Variants in SRGAP2 observed in about 807,000 individuals in gnomAD.
SRGAP2 encodes the protein SLIT-ROBO Rho GTPase-activating protein 2.
A neutral mutation model predicts 57.2 loss-of-function variants in SRGAP2; 15 were observed. The ratio of observed to expected loss-of-function variants is 0.26; its 90% CI spans 0.18 to 0.40. The LOEUF is 0.40. Ranked by LOEUF, SRGAP2 falls within the 10% of genes least tolerant of loss-of-function variation. SRGAP2 has a pLI of 1.00. For missense variants in SRGAP2, 520 were observed against 669.6 expected (o/e 0.78, Z 2.47); for synonymous variants, 249 against 248.0 (o/e 1.00, Z -0.04).
At chr1:206,388,304 G>A (rs1572023247) in intron 5 of SRGAP2, among the ~76,000 whole-genome samples, 1 of 152,190 alleles carries the variant, frequency 6.6e-6, no homozygotes, top group Non-Finnish European at 1.5e-5. Flanking sequence ...TTTAGCACCT[G>A]TTCCCTTGAA....
At chr1:206,339,071 A>G (rs531166463) in intron 3 of SRGAP2, among the ~76,000 whole-genome samples, 25 of 152,078 alleles carry the variant, frequency 1.6e-4, no homozygotes, top group African/African-American at 1.5e-4. Context: ...ATTAGCATAG[A>G]TAAGTTATTG....
chr1:206,391,138 C>T (rs1656906282), intron 5 of SRGAP2, among the ~76,000 whole-genome samples: 1 of 150,096 alleles, frequency 6.7e-6, no homozygotes, highest in South Asian at 2.1e-4. Context: ...AGTAGCAATC[C>T]CCAAGTTGTG....
At chr1:206,313,927 G>A (rs61816776) in intron 3 of SRGAP2, among the ~76,000 whole-genome samples, 20,693 of 149,980 alleles carry the variant, frequency 0.14, 2,946 homozygotes, top group African/African-American at 0.37. Flanking sequence ...CTAGAGACAG[G>A]TGGAAAGCAC....
rs74599213 is a variant in SRGAP2 at position 206,433,676 on chromosome 1, A to G, written c.1556-3289A>G. Among the ~76,000 whole-genome samples the G allele has an allele frequency of 7.2e-3, 1,098 of 152,136 alleles. 13 individuals are homozygous for G. Among genetic ancestry groups the G allele is most frequent in the African/African-American group, 0.025 (1,049 of 41,536 alleles). On this transcript the variant is annotated intron_variant, in intron 14 of 22. Transcript: ENST00000573034. Reference sequence around the variant, plus strand: ...ATAAATAAATAAATAAAGGCAGAGTATGGGTACAACCCAAAATGGAATGCA... The same window carrying G: ...ATAAATAAATAAATAAAGGCAGAGTGTGGGTACAACCCAAAATGGAATGCA...
At chr1:206,278,789 AG>A (rs1670563895) in intron 2 of SRGAP2, among the ~76,000 whole-genome samples, 1 of 148,548 alleles carries the variant, frequency 6.7e-6, no homozygotes, top group African/African-American at 2.6e-5. Flanking sequence ...AGGGCATTTC[AG>A]GCAGAGGAAA....
chr1:206,461,998 T>A lies in SRGAP2; in HGVS notation c.*578T>A, dbSNP rs1206647068. ...AGACCAGTCTCTTTGTAAGTTATTG[T>A]GGCAGTTCACACAGTAGCCACCAGG... On this transcript the variant is annotated 3_prime_UTR_variant, in exon 23 of 23. Transcript: ENST00000573034. The A allele has an allele frequency of 6.6e-6, 1 of 152,394 alleles. No individual in the cohort carries two copies. Among genetic ancestry groups the A allele is most frequent in the Non-Finnish European group, 1.5e-5 (1 of 68,196 alleles). The allele number at this position is 152,394 out of a possible 1,614,324, so 9.4% of individuals were successfully genotyped here. A position where few individuals can be genotyped will look rare whatever the true frequency, so the allele number is the denominator to read the frequency against.
At chr1:206,276,551 G>A (rs1347602044) in intron 2 of SRGAP2, among the ~76,000 whole-genome samples, 1 of 150,674 alleles carries the variant, frequency 6.6e-6, no homozygotes, top group Non-Finnish European at 1.5e-5. Context: ...AGTGACTGAT[G>A]TGAGATTACC....
At chr1:206,332,839 C>A (rs1464299030) in intron 3 of SRGAP2, among the ~76,000 whole-genome samples, 2 of 151,282 alleles carry the variant, frequency 1.3e-5, no homozygotes, top group East Asian at 3.9e-4. Flanking sequence ...CAGCTTTGTT[C>A]CGTTGCTGGT....
rs556723017 is a variant in SRGAP2, at chr1:206,442,899, T to C, written c.1874+2818T>C. On this transcript the variant is annotated intron_variant, in intron 17 of 22. Transcript: ENST00000573034. ...CATCAGGACCCTTTTTCTTCATTGC[T>C]GTGAGTCCTGGATGTATGTGTACTT... 2.0e-5 allele frequency among the ~76,000 whole-genome samples: 3 copies of C among 152,280 alleles called. No individual in the cohort carries two copies. In the East Asian group the frequency reaches 5.8e-4, roughly 29 times the overall value.
chr1:206,356,767 G>GT (rs1302122055), intron 4 of SRGAP2, among the ~76,000 whole-genome samples: 3 of 144,472 alleles, frequency 2.1e-5, no homozygotes, highest in Admixed American at 1.4e-4. Flanking sequence ...AGCGTCTTCA[G>GT]TTTTTTTTCA....
At chr1:206,436,409 G>GGT (rs1281983860) in intron 14 of SRGAP2, among the ~76,000 whole-genome samples, 2 of 151,438 alleles carry the variant, frequency 1.3e-5, no homozygotes, top group Admixed American at 6.6e-5. Flanking sequence ...GGAGGGCAGT[G>GGT]GTGTGATCAT....
intron 10 of SRGAP2, among the ~76,000 whole-genome samples, chr1:206,412,850 A>G (rs1659338120): frequency 6.6e-6 from 1 of 152,148 alleles, no homozygotes; most frequent in Admixed American, 6.6e-5. Context: ...GATAAATAAA[A>G]TAACGTGCCT....
intron 3 of SRGAP2, among the ~76,000 whole-genome samples, chr1:206,337,954 A>T (rs1163586286): frequency 6.6e-6 from 1 of 152,180 alleles, no homozygotes; most frequent in African/African-American, 2.4e-5. Flanking sequence ...AACGTCCATA[A>T]ATAGTCCAAG....
chr1:206,434,842 G>A (rs1474224977), intron 14 of SRGAP2, among the ~76,000 whole-genome samples: 1 of 152,214 alleles, frequency 6.6e-6, no homozygotes, highest in African/African-American at 2.4e-5. Flanking sequence ...CTACCAAAAA[G>A]TATCAAGATG....
At chr1:206,448,374 G>C (rs1435555637) in intron 18 of SRGAP2, among the ~76,000 whole-genome samples, 2 of 152,172 alleles carry the variant, frequency 1.3e-5, no homozygotes, top group Non-Finnish European at 2.9e-5. Context: ...ATGGTGGACT[G>C]CTCCTGAGAC....
intron 2 of SRGAP2, among the ~76,000 whole-genome samples, chr1:206,285,957 C>T (rs1286404800): frequency 6.6e-6 from 1 of 152,206 alleles, no homozygotes; most frequent in African/African-American, 2.4e-5. Flanking sequence ...TGAGCCACCA[C>T]ACCTGGCCCA....
rs1376905664 is a variant in SRGAP2 at position 206,257,735 on chromosome 1, T to G, written c.68-45546T>G. Among the ~76,000 whole-genome samples, 3 of 85,916 alleles carry G rather than the reference T, an allele frequency of 3.5e-5. 1 individual carries two copies. The highest frequency in any genetic ancestry group is 1.3e-4 in the African/African-American group (3 of 23,856). The allele number at this position is 85,916 out of a possible 152,430, so 56.4% of individuals were successfully genotyped here. A position where few individuals can be genotyped will look rare whatever the true frequency, so the allele number is the denominator to read the frequency against. The stretch of plus-strand genomic sequence containing the variant: ...GTAGTGTGGTGGTAGGAAAGCAGAC[T>G]ATATATATACATATATATATACTAT... On this transcript the variant is annotated intron_variant, in intron 2 of 22. Transcript: ENST00000573034.
chr1:206,416,008 G>A (rs1553361802), intron 11 of SRGAP2, 35 bp downstream of exon 11: 5 of 768,764 alleles, frequency 6.5e-6, no homozygotes. Flanking sequence ...AGGCTTGACA[G>A]TGAGGCCAGC....
At chr1:206,401,208 G>A (rs111295326) in intron 7 of SRGAP2, among the ~76,000 whole-genome samples, 2 of 152,038 alleles carry the variant, frequency 1.3e-5, no homozygotes, top group East Asian at 1.9e-4. Context: ...CCTCCTAACC[G>A]CCTCACAGCC....
Sources: allele counts gnomAD v4.1 joint callset (sites outside exome capture counted in the v4.1 genomes callset), GRCh38; gene constraint gnomAD v4.1.1; transcripts MANE v1.5; gene names NCBI Gene and HGNC (gene_info 2026-07-23, HGNC 2026-07-21).